B3GLCT: variants seen among roughly 807,000 people sequenced by gnomAD.
The protein encoded by B3GLCT is beta-1,3-glucosyltransferase.
In B3GLCT, 65 loss-of-function variants were observed where a neutral mutation model predicts 63.4. The observed-to-expected ratio is 1.03, with a 90% CI of 0.84 to 1.26. B3GLCT has a LOEUF of 1.26. Ranked by LOEUF, B3GLCT falls within the 50% of genes most tolerant of loss-of-function variation. The pLI, the probability that B3GLCT is intolerant of heterozygous loss-of-function variation, is 0.00. For missense variants in B3GLCT, 577 were observed against 604.8 expected (o/e 0.95, Z 0.48); for synonymous variants, 233 against 219.2 (o/e 1.06, Z -0.55).
chr13:31,320,329 G>A (rs1182793719), intron 13 of B3GLCT, among the ~76,000 whole-genome samples: 2 of 152,258 alleles, frequency 1.3e-5, no homozygotes, highest in South Asian at 2.1e-4. Context: ...TCTCTAGTTT[G>A]CCTGATTACC....
chr13:31,298,426 C>T (rs2137902565), intron 12 of B3GLCT, among the ~76,000 whole-genome samples: 1 of 152,242 alleles, frequency 6.6e-6, no homozygotes, highest in Admixed American at 6.5e-5. Context: ...TGCAGGCTTC[C>T]CTTCAATCTT....
intron 12 of B3GLCT, among the ~76,000 whole-genome samples, chr13:31,297,999 G>T (rs1396519478): frequency 6.6e-6 from 1 of 152,120 alleles, no homozygotes; most frequent in Non-Finnish European, 1.5e-5. Context: ...GTTTATGAAG[G>T]CTTCATTATA....
intron 12 of B3GLCT, among the ~76,000 whole-genome samples, chr13:31,289,774 A>G (rs1302729209): frequency 6.6e-6 from 1 of 152,234 alleles, no homozygotes; most frequent in Non-Finnish European, 1.5e-5. Context: ...AACCTTGAAT[A>G]TAACTGGATT....
intron 10 of B3GLCT, chr13:31,283,239 A>C (rs1229141750): frequency 2.0e-5 from 3 of 152,170 alleles, no homozygotes; most frequent in Non-Finnish European, 4.4e-5. Context: ...AGCATTATGC[A>C]ATGGAGGATA....
intron 2 of B3GLCT, 145 bp from the exon 3 acceptor site, chr13:31,222,807 C>T (rs1593254117): frequency 1.5e-6 from 1 of 651,620 alleles, no homozygotes; most frequent in South Asian, 1.7e-5. Flanking sequence ...GGTCTCATTT[C>T]TTTAGGGAAG....
At chr13:31,327,399 A>T (rs562833538) in intron 14 of B3GLCT, among the ~76,000 whole-genome samples, 1 of 152,292 alleles carries the variant, frequency 6.6e-6, no homozygotes, top group East Asian at 1.9e-4. Context: ...CAAAGGGAGG[A>T]TTCATGCCCA....
intron 12 of B3GLCT, among the ~76,000 whole-genome samples, chr13:31,301,651 C>T (rs1874228001): frequency 6.6e-6 from 1 of 152,226 alleles, no homozygotes; most frequent in African/African-American, 2.4e-5. Flanking sequence ...TGGAGTCCCA[C>T]CAGGAGACCC....
intron 3 of B3GLCT, among the ~76,000 whole-genome samples, chr13:31,224,274 A>G (rs188550705): frequency 2.8e-3 from 423 of 152,016 alleles, no homozygotes; most frequent in African/African-American, 9.8e-3. Context: ...CCTGCTACCA[A>G]CTCTGTGGCT....
chr13:31,261,196 G>A, intron 7 of B3GLCT, 114 bp downstream of exon 7: 2 of 1,232,126 alleles, frequency 1.6e-6, no homozygotes, highest in Non-Finnish European at 2.3e-6. Flanking sequence ...TTCAGCCAGA[G>A]GCAGTGTGTG....
rs561293650 is a variant in B3GLCT, at chr13:31,242,849, A to G, written c.271-4174A>G. Among the ~76,000 whole-genome samples the G allele has an allele frequency of 2.9e-4, 44 of 152,370 alleles. No individual in the cohort carries two copies. The South Asian group carries it at 7.7e-3, about 27-fold the overall frequency. ...CATTTAATGATTAAGACAGGTATCTAGAAAAATCTTTTCTTTTTTTTGTAA... is the reference window on the plus strand; with the variant it reads ...CATTTAATGATTAAGACAGGTATCTGGAAAAATCTTTTCTTTTTTTTGTAA... On this transcript the variant is annotated intron_variant, in intron 4 of 14. Coordinates refer to ENST00000343307, the MANE Select transcript of B3GLCT (RefSeq NM_194318.4).
At chr13:31,240,377 C>A (rs1402334774) in intron 4 of B3GLCT, among the ~76,000 whole-genome samples, 1 of 151,896 alleles carries the variant, frequency 6.6e-6, no homozygotes, top group African/African-American at 2.4e-5. Context: ...GGCATAATCT[C>A]AACTTTACAA....
chr13:31,217,205 G>A (rs930289312), intron 2 of B3GLCT, among the ~76,000 whole-genome samples: 1 of 152,124 alleles, frequency 6.6e-6, no homozygotes, highest in African/African-American at 2.4e-5. Flanking sequence ...TAGTGATGTT[G>A]AGCATTTTTT....
chr13:31,230,873 T>C (rs1870344071), intron 4 of B3GLCT, among the ~76,000 whole-genome samples: 1 of 152,064 alleles, frequency 6.6e-6, no homozygotes, highest in African/African-American at 2.4e-5. Flanking sequence ...CTGGGCGTGG[T>C]GGTGTGCGCC....
chr13:31,286,579 C>T, intron 11 of B3GLCT, 141 bp from the exon 12 acceptor site: 1 of 605,988 alleles, frequency 1.7e-6, no homozygotes, highest in Non-Finnish European at 2.9e-6. Flanking sequence ...TTAGAGAAGG[C>T]TATTTTTAAA....
At chr13:31,240,467 G>GT (rs146603707) in intron 4 of B3GLCT, among the ~76,000 whole-genome samples, 59,443 of 129,636 alleles carry the variant, frequency 0.46, 13,160 homozygotes, top group Admixed American at 0.57. Context: ...TGCCTCTTTA[G>GT]TTTTTTTTTT....
At chr13:31,264,388 C>G (rs1872191006) in intron 7 of B3GLCT, among the ~76,000 whole-genome samples, 1 of 152,120 alleles carries the variant, frequency 6.6e-6, no homozygotes, top group Non-Finnish European at 1.5e-5. Flanking sequence ...CTGCTCGTCA[C>G]AACGCTCAAC....
chr13:31,325,145 C>A (rs926463801), intron 14 of B3GLCT, among the ~76,000 whole-genome samples: 1 of 152,160 alleles, frequency 6.6e-6, no homozygotes, highest in Non-Finnish European at 1.5e-5. Flanking sequence ...AAGGCAGAAT[C>A]CATTTCTGTA....
intron 1 of B3GLCT, among the ~76,000 whole-genome samples, chr13:31,211,266 G>A (rs1034217469): frequency 6.6e-6 from 1 of 152,052 alleles, no homozygotes; most frequent in Non-Finnish European, 1.5e-5. Flanking sequence ...ATGGTGGCAC[G>A]TGCCTGTAAC....
At chr13:31,273,267 G>C (rs1354812206) in intron 8 of B3GLCT, among the ~76,000 whole-genome samples, 1 of 151,884 alleles carries the variant, frequency 6.6e-6, no homozygotes. Context: ...GCTAATTTTT[G>C]TATTTTTAAG....
Sources: gnomAD v4.1 joint callset for allele counts (sites outside exome capture counted in the v4.1 genomes callset) on GRCh38, gnomAD v4.1.1 for gene constraint, MANE v1.5 for transcripts, NCBI Gene and HGNC (gene_info 2026-07-23, HGNC 2026-07-21) for gene names.